LYRM4: variants seen among roughly 807,000 people sequenced by gnomAD.
LYRM4 encodes LYR motif containing 4.
In LYRM4, 9 loss-of-function variants were observed where a neutral mutation model predicts 11.7. The observed-to-expected ratio is 0.77, with a 90% CI of 0.46 to 1.34. LYRM4 has a LOEUF of 1.34. LYRM4 is among the 40% of genes most tolerant of loss of function. The probability of loss-of-function intolerance (pLI) is 0.00; values close to 1 mark genes in which losing one functional copy is unlikely to be tolerated. For synonymous variants in LYRM4, 42 were observed against 40.4 expected, an observed-to-expected ratio of 1.04 and a Z score of -0.15; for missense variants, 133 against 112.5, an observed-to-expected ratio of 1.18 and a Z score of -0.82.
chr6:5,195,377 G>A (rs895309606), intron 2 of LYRM4, among the ~76,000 whole-genome samples: 1 of 152,070 alleles, frequency 6.6e-6, no homozygotes, highest in Non-Finnish European at 1.5e-5. Context: ...TTGGGAGGCT[G>A]AGGCAGGTGA....
intron 2 of LYRM4, among the ~76,000 whole-genome samples, chr6:5,151,102 T>G (rs994117325): frequency 1.9e-5 from 2 of 103,708 alleles, no homozygotes; most frequent in African/African-American, 7.2e-5. Flanking sequence ...TTTTTTTTTT[T>G]GCAACGGAGT....
chr6:5,158,300 G>T (rs184879127), intron 2 of LYRM4, among the ~76,000 whole-genome samples: 5 of 152,122 alleles, frequency 3.3e-5, no homozygotes, highest in Admixed American at 6.5e-5. Flanking sequence ...AACAGGAACA[G>T]AAAAACCTTG....
chr6:5,198,451 A>T (rs1761198272), intron 2 of LYRM4, among the ~76,000 whole-genome samples: 1 of 152,124 alleles, frequency 6.6e-6, no homozygotes, highest in Non-Finnish European at 1.5e-5. Context: ...AAAAAAATCA[A>T]CCTCCACCTA....
At chr6:5,241,136 G>A (rs780500420) in intron 1 of LYRM4, among the ~76,000 whole-genome samples, 34 of 152,128 alleles carry the variant, frequency 2.2e-4, no homozygotes, top group Non-Finnish European at 4.9e-4. Context: ...AGTTAAATAA[G>A]ACAATGCAAG....
At chr6:5,067,980 C>A in the LYRM4 span, among the ~76,000 whole-genome samples, 1 of 152,214 alleles carries the variant, frequency 6.6e-6, no homozygotes, top group Non-Finnish European at 1.5e-5. Context: ...TACTTAAAAT[C>A]TCCTCACAAG....
chr6:5,065,775 CA>C, the LYRM4 span: 8 of 293,668 alleles, frequency 2.7e-5, no homozygotes, highest in Non-Finnish European at 3.6e-5. Flanking sequence ...ACTGCTCCAC[CA>C]AAAACGACAG....
chr6:5,200,875 A>G (rs1211302979), intron 2 of LYRM4, among the ~76,000 whole-genome samples: 1 of 152,228 alleles, frequency 6.6e-6, no homozygotes, highest in East Asian at 1.9e-4. Flanking sequence ...AACCACTGGT[A>G]TAAGGTAAAA....
chr6:5,159,299 C>T (rs1398983124), intron 2 of LYRM4, among the ~76,000 whole-genome samples: 1 of 152,048 alleles, frequency 6.6e-6, no homozygotes, highest in African/African-American at 2.4e-5. Flanking sequence ...AATGCTGGGA[C>T]AAAGGGACAA....
intron 2 of LYRM4, among the ~76,000 whole-genome samples, chr6:5,119,815 A>C (rs1763333216): frequency 6.6e-6 from 1 of 151,486 alleles, no homozygotes; most frequent in Non-Finnish European, 1.5e-5. Flanking sequence ...AAAAAAAAAA[A>C]AAAAACAACC....
chr6:5,032,844 A>AC, the LYRM4 span: 55 of 151,822 alleles, frequency 3.6e-4, no homozygotes, highest in South Asian at 0.011. Context: ...CAGAACAGTC[A>AC]CCCCGGCCAC....
chr6:5,190,720 A>G (rs543192141), intron 2 of LYRM4, among the ~76,000 whole-genome samples: 2 of 152,308 alleles, frequency 1.3e-5, no homozygotes, highest in African/African-American at 2.4e-5. Context: ...ATGTGTTGTC[A>G]TAAGGCTGAT....
chr6:5,234,328 A>C (rs140507558), intron 1 of LYRM4, among the ~76,000 whole-genome samples: 1 of 152,228 alleles, frequency 6.6e-6, no homozygotes, highest in Non-Finnish European at 1.5e-5. Flanking sequence ...CCCAATGGCA[A>C]GTGGCCTTCA....
chr6:5,143,289 CCA>C (rs1220363989), intron 2 of LYRM4, among the ~76,000 whole-genome samples: 1 of 152,166 alleles, frequency 6.6e-6, no homozygotes, highest in Non-Finnish European at 1.5e-5. Flanking sequence ...CCTTCTGGCT[CCA>C]GTGACTTATG....
intron 2 of LYRM4, among the ~76,000 whole-genome samples, chr6:5,119,281 T>C (rs756219362): frequency 2.6e-5 from 4 of 152,182 alleles, no homozygotes; most frequent in Non-Finnish European, 5.9e-5. Context: ...CTTTGCTTGT[T>C]GGGACAAGAG....
chr6:5,206,205 C>T (rs1581504131), intron 2 of LYRM4, among the ~76,000 whole-genome samples: 1 of 152,328 alleles, frequency 6.6e-6, no homozygotes, highest in Non-Finnish European at 1.5e-5. Flanking sequence ...CATTTATTTT[C>T]AGAACCAGAA....
intron 1 of LYRM4, among the ~76,000 whole-genome samples, chr6:5,223,008 A>T (rs1762676146): frequency 6.6e-6 from 1 of 152,218 alleles, no homozygotes; most frequent in Non-Finnish European, 1.5e-5. Context: ...ATGGAAGGAA[A>T]TGTCCCAGAA....
the LYRM4 span, among the ~76,000 whole-genome samples, chr6:5,091,734 A>G: frequency 6.6e-6 from 1 of 152,362 alleles, no homozygotes; most frequent in African/African-American, 2.4e-5. Context: ...GGTGAGATCA[A>G]TGGAGTAGTA....
the LYRM4 span, among the ~76,000 whole-genome samples, chr6:5,040,740 C>T: frequency 6.6e-6 from 1 of 152,034 alleles, no homozygotes. Context: ...TATGAATGTA[C>T]CAAAGTATCA....
Position 5,142,140 on chromosome 6 carries a change from A to G in LYRM4, c.208-32649T>C, listed in dbSNP as rs554098931. On this transcript the variant is annotated intron_variant, in intron 2 of 2. Transcript: ENST00000330636. Reference sequence around the variant, plus strand: ...GAGTGAAGGGGTTTGTGTTCTCTCTATGTGAACCTGGACAGGTTCTATAAC... The same window carrying G: ...GAGTGAAGGGGTTTGTGTTCTCTCTGTGTGAACCTGGACAGGTTCTATAAC... 3.3e-5 allele frequency among the ~76,000 whole-genome samples: 5 copies of G among 152,286 alleles called. No homozygotes were observed. The East Asian group carries it at 7.7e-4, about 23-fold the overall frequency.
Sources: allele counts gnomAD v4.1 joint callset (sites outside exome capture counted in the v4.1 genomes callset), GRCh38; gene constraint gnomAD v4.1.1; transcripts MANE v1.5; gene names NCBI Gene and HGNC (gene_info 2026-07-23, HGNC 2026-07-21).